Variants in ANO6 observed in about 807,000 individuals in gnomAD.
ANO6 encodes anoctamin-6.
ANO6 carries 106 observed loss-of-function variants against 117.5 expected under a neutral mutation model. That is an observed-to-expected ratio of 0.90 (90% CI 0.77 to 1.06). The LOEUF (loss-of-function observed/expected upper bound fraction) is 1.06. Ranked by LOEUF, ANO6 falls within the 50% of genes least tolerant of loss-of-function variation. ANO6 has a pLI of 0.00. For missense variants in ANO6, 955 were observed against 1,121.1 expected (o/e 0.85, Z 2.12); for synonymous variants, 367 against 385.1 (o/e 0.95, Z 0.55).
At chr12:45,426,261 A>G (rs1344528680) in intron 19 of ANO6, among the ~76,000 whole-genome samples, 1 of 152,254 alleles carries the variant, frequency 6.6e-6, no homozygotes, top group African/African-American at 2.4e-5. Flanking sequence ...CCACATATCT[A>G]TAAATATTCC....
Position 45,240,351 on chromosome 12 carries a change from ATTTTTTTTTTTTTTTTTTTTTT to A in ANO6, c.70+23975_70+23996del, listed in dbSNP as rs57126852. On this transcript the variant is annotated intron_variant, in intron 1 of 19. Transcript: ENST00000320560. The stretch of plus-strand genomic sequence containing the variant: ...TCAGAGACTAGGATTGCAACCCCTG[ATTTTTTTTTTTTTTTTTTTTTT>A]TTTTTTTTTTTTTTGCTTTCCATTT... 8.8e-3 allele frequency among the ~76,000 whole-genome samples: 272 copies of A among 30,748 alleles called. 18 individuals carry two copies. The Admixed American group carries it at 0.11, about 13-fold the overall frequency. 20.2% of individuals were successfully genotyped at this position (30,748 alleles called of 152,430 possible).
chr12:45,280,603 A>G (rs1463836286), intron 1 of ANO6, among the ~76,000 whole-genome samples: 1 of 152,186 alleles, frequency 6.6e-6, no homozygotes, highest in Non-Finnish European at 1.5e-5. Context: ...TTGAATATTT[A>G]CAGAGCTCAG....
chr12:45,218,142 ACTC>A (rs1411588747), intron 1 of ANO6, among the ~76,000 whole-genome samples: 2 of 151,488 alleles, frequency 1.3e-5, no homozygotes, highest in Non-Finnish European at 2.9e-5. Context: ...AAATATCTCT[ACTC>A]CTCCCCACCC....
chr12:45,331,237 T>C (rs1940650945), intron 2 of ANO6, 58 bp from the exon 3 acceptor site: 5 of 1,459,440 alleles, frequency 3.4e-6, no homozygotes, highest in Non-Finnish European at 4.7e-6. Flanking sequence ...TTAACACTTA[T>C]AAGTCAGCAT....
chr12:45,247,205 G>A (rs1466554435), intron 1 of ANO6, among the ~76,000 whole-genome samples: 1 of 152,162 alleles, frequency 6.6e-6, no homozygotes, highest in Non-Finnish European at 1.5e-5. Context: ...GGAATTACAG[G>A]CGTGAGCCAC....
At chr12:45,240,924 TTGTC>T (rs1392729759) in intron 1 of ANO6, among the ~76,000 whole-genome samples, 2 of 152,248 alleles carry the variant, frequency 1.3e-5, no homozygotes, top group African/African-American at 4.8e-5. Flanking sequence ...GATGCGCTGT[TTGTC>T]TGATGGGCTT....
intron 1 of ANO6, among the ~76,000 whole-genome samples, chr12:45,217,124 A>C (rs1329114342): frequency 6.6e-6 from 1 of 152,212 alleles, no homozygotes; most frequent in Non-Finnish European, 1.5e-5. Flanking sequence ...GAGCTGTTTT[A>C]AGAGCAAAAA....
chr12:45,377,069 CA>C (rs1478491486), intron 9 of ANO6, among the ~76,000 whole-genome samples: 1 of 151,544 alleles, frequency 6.6e-6, no homozygotes, highest in East Asian at 1.9e-4. Flanking sequence ...GTATGAAGAG[CA>C]ACCCAAAAAA....
At chr12:45,340,915 T>G (rs1239842280) in intron 3 of ANO6, among the ~76,000 whole-genome samples, 4 of 152,192 alleles carry the variant, frequency 2.6e-5, no homozygotes, top group African/African-American at 9.6e-5. Context: ...CTAATTTACT[T>G]TAGCTACCTG....
At chr12:45,371,527 C>T (rs1161742240) in intron 9 of ANO6, among the ~76,000 whole-genome samples, 2 of 138,360 alleles carry the variant, frequency 1.4e-5, no homozygotes, top group Non-Finnish European at 3.1e-5. Flanking sequence ...AACAGGCAGA[C>T]TGCCTCCTCA....
At chr12:45,400,642 G>A (rs12580810) in intron 12 of ANO6, among the ~76,000 whole-genome samples, 7,383 of 152,248 alleles carry the variant, frequency 0.048, 330 homozygotes, top group African/African-American at 0.11. Context: ...TAGGTTAGGT[G>A]CCATAGTATT....
chr12:45,422,701 A>G (rs1943397065), intron 18 of ANO6, among the ~76,000 whole-genome samples: 1 of 151,928 alleles, frequency 6.6e-6, no homozygotes, highest in Non-Finnish European at 1.5e-5. Flanking sequence ...CAGCCACCAA[A>G]TAGCTGCGAT....
intron 3 of ANO6, among the ~76,000 whole-genome samples, chr12:45,331,812 C>T (rs958559904): frequency 6.6e-6 from 1 of 152,100 alleles, no homozygotes; most frequent in African/African-American, 2.4e-5. Flanking sequence ...ATTGTACATA[C>T]ATTTGCATAC....
chr12:45,227,714 G>T (rs1296750970), intron 1 of ANO6, among the ~76,000 whole-genome samples: 4 of 151,034 alleles, frequency 2.6e-5, no homozygotes, highest in Admixed American at 2.6e-4. Context: ...GTCCATTTTT[G>T]TTGCTTTCTA....
At chr12:45,334,475 A>C (rs1374707587) in intron 3 of ANO6, among the ~76,000 whole-genome samples, 2 of 152,074 alleles carry the variant, frequency 1.3e-5, no homozygotes, top group Non-Finnish European at 2.9e-5. Flanking sequence ...AGGTAGCCAG[A>C]GGCAGAGAGA....
chr12:45,347,997 CTTG>C (rs1311926804), intron 4 of ANO6, 28 bp from the exon 5 acceptor site: 3 of 1,605,646 alleles, frequency 1.9e-6, no homozygotes, highest in Non-Finnish European at 2.6e-6. Context: ...GAGTTGGTTT[CTTG>C]TTCTGCGTTT....
chr12:45,393,505 AT>A (rs1178698734), intron 12 of ANO6, among the ~76,000 whole-genome samples: 1 of 152,182 alleles, frequency 6.6e-6, no homozygotes, highest in East Asian at 1.9e-4. Flanking sequence ...CACCACAAAG[AT>A]ACTCCTTGAG....
At chr12:45,237,270 T>A (rs551036547) in intron 1 of ANO6, among the ~76,000 whole-genome samples, 12 of 152,350 alleles carry the variant, frequency 7.9e-5, no homozygotes, top group Non-Finnish European at 1.8e-4. Flanking sequence ...TTGCCATTGC[T>A]TCTGGTGTTT....
chr12:45,335,850 TGTGA>T (rs1462448941), intron 3 of ANO6, among the ~76,000 whole-genome samples: 1 of 152,044 alleles, frequency 6.6e-6, no homozygotes, highest in East Asian at 1.9e-4. Flanking sequence ...TATTGATTTC[TGTGA>T]GTGCTAAGAA....
Sources: gnomAD v4.1 joint callset for allele counts (sites outside exome capture counted in the v4.1 genomes callset) on GRCh38, gnomAD v4.1.1 for gene constraint, MANE v1.5 for transcripts, NCBI Gene and HGNC (gene_info 2026-07-23, HGNC 2026-07-21) for gene names.